The following KHDRBS2 variants were observed in gnomAD, a reference collection of about 807,000 sequenced individuals.
The protein encoded by KHDRBS2 is KH domain-containing, RNA-binding, signal transduction-associated protein 2.
Under a neutral mutation model 44.3 loss-of-function variants are expected in KHDRBS2, and 26 were observed. The ratio of observed to expected loss-of-function variants is 0.59; its 90% CI spans 0.43 to 0.81. The LOEUF (loss-of-function observed/expected upper bound fraction) is 0.81. Ranked by LOEUF, KHDRBS2 falls within the 40% of genes least tolerant of loss-of-function variation. The probability of loss-of-function intolerance (pLI) is 0.00; values close to 1 mark genes in which losing one functional copy is unlikely to be tolerated. For missense variants in KHDRBS2, 476 were observed against 433.1 expected, an observed-to-expected ratio of 1.10 and a Z score of -0.88; for synonymous variants, 194 against 151.1, an observed-to-expected ratio of 1.28 and a Z score of -2.08.
intron 6 of KHDRBS2, among the ~76,000 whole-genome samples, chr6:61,817,294 T>C (rs1234486387): frequency 2.6e-5 from 4 of 152,096 alleles, no homozygotes; most frequent in Non-Finnish European, 4.4e-5. Flanking sequence ...TGTGTCCACG[T>C]AGGAGCCCAG....
chr6:62,148,049 G>A (rs1401352), intron 2 of KHDRBS2, among the ~76,000 whole-genome samples: 92,326 of 151,768 alleles, frequency 0.61, 28,272 homozygotes, highest in Non-Finnish European at 0.62. Context: ...TGTGTTAAGA[G>A]ATATTTTTAC....
intron 2 of KHDRBS2, among the ~76,000 whole-genome samples, chr6:62,161,261 T>C (rs1321118179): frequency 2.0e-5 from 3 of 151,990 alleles, no homozygotes; most frequent in Non-Finnish European, 4.4e-5. Context: ...TTGGAGAGTT[T>C]AAACTGTTTA....
chr6:62,096,114 T>G (rs2127368428), intron 2 of KHDRBS2, among the ~76,000 whole-genome samples: 1 of 152,086 alleles, frequency 6.6e-6, no homozygotes, highest in African/African-American at 2.4e-5. Context: ...TTGGATTTGG[T>G]TTGCTAGTAT....
chr6:62,038,456 A>C (rs1163322171), intron 3 of KHDRBS2, among the ~76,000 whole-genome samples: 1 of 151,966 alleles, frequency 6.6e-6, no homozygotes, highest in Non-Finnish European at 1.5e-5. Flanking sequence ...TGACAACTCT[A>C]CTCAAGTAAG....
chr6:62,076,920 C>T (rs556576840), intron 2 of KHDRBS2, among the ~76,000 whole-genome samples: 41 of 152,030 alleles, frequency 2.7e-4, no homozygotes, highest in Admixed American at 1.6e-3. Flanking sequence ...TGGTGGTACA[C>T]CTGTAGTCCT....
chr6:61,612,430 A>G, the KHDRBS2 span, among the ~76,000 whole-genome samples: 1 of 152,190 alleles, frequency 6.6e-6, no homozygotes, highest in Admixed American at 6.5e-5. Flanking sequence ...CAACCAGCTC[A>G]ATATTGCTAT....
At position 62,285,950 on chromosome 6, in the gene KHDRBS2, G is replaced by A. The variant is rs1258076918; in HGVS notation, c.-2C>T. 4 of 1,599,062 alleles carry A rather than the reference G, an allele frequency of 2.5e-6. No individual in the cohort carries two copies. In the East Asian group the frequency reaches 8.9e-5, roughly 36 times the overall value. ...AGGCAAATATTTCTCCTCTTCCATA[G>A]CGCGGACTTCGGATTGTCCCCGGGC... On this transcript the variant is annotated 5_prime_UTR_variant, in exon 1 of 9. Transcript: ENST00000281156.
chr6:61,856,216 T>G (rs574984325), intron 6 of KHDRBS2, among the ~76,000 whole-genome samples: 1 of 152,286 alleles, frequency 6.6e-6, no homozygotes, highest in Admixed American at 6.5e-5. Flanking sequence ...CTGCCCCTTG[T>G]ATTACACTGT....
chr6:61,714,500 A>C (rs1425289040), intron 7 of KHDRBS2, among the ~76,000 whole-genome samples: 1 of 151,920 alleles, frequency 6.6e-6, no homozygotes, highest in African/African-American at 2.4e-5. Context: ...AAAGAACTAA[A>C]AATAGAACTG....
At chr6:61,644,734 G>T in the KHDRBS2 span, among the ~76,000 whole-genome samples, 25 of 152,112 alleles carry the variant, frequency 1.6e-4, no homozygotes, top group Admixed American at 1.6e-3. Flanking sequence ...CATTAGAGAA[G>T]TGCAAATCAA....
rs578132831 is a variant in KHDRBS2 at position 61,749,948 on chromosome 6, T to G, written c.811-17184A>C. On this transcript the variant is annotated intron_variant, in intron 6 of 8. Coordinates refer to ENST00000281156, the MANE Select transcript of KHDRBS2 (RefSeq NM_152688.4). ...TGTGTTGTCAGTCTATATTTGTTAT[T>G]GTTTTCTTATAAACTAGTAGAATGA... Among the ~76,000 whole-genome samples, 11 of 152,332 alleles carry G rather than the reference T, an allele frequency of 7.2e-5. No homozygotes were observed. The South Asian group carries it at 2.1e-3, about 29-fold the overall frequency.
chr6:61,731,935 T>G (rs1187454707), intron 7 of KHDRBS2, among the ~76,000 whole-genome samples: 2 of 152,096 alleles, frequency 1.3e-5, no homozygotes, highest in African/African-American at 4.8e-5. Context: ...AAGGTAAAAC[T>G]ATGGTAACAA....
chr6:62,068,219 G>A (rs1025296346), intron 2 of KHDRBS2, among the ~76,000 whole-genome samples: 2 of 151,492 alleles, frequency 1.3e-5, no homozygotes, highest in African/African-American at 4.8e-5. Flanking sequence ...TTTTTGGATT[G>A]TAATCATCCT....
the KHDRBS2 span, among the ~76,000 whole-genome samples, chr6:61,570,025 C>T: frequency 6.6e-6 from 1 of 151,974 alleles, no homozygotes; most frequent in South Asian, 2.1e-4. Flanking sequence ...GGTTTTATAG[C>T]ACACCCAACA....
intron 4 of KHDRBS2, among the ~76,000 whole-genome samples, chr6:61,906,879 G>A (rs529071544): frequency 4.0e-5 from 6 of 149,764 alleles, no homozygotes; most frequent in African/African-American, 1.5e-4. Flanking sequence ...ATATCTCTTT[G>A]ATATACTAGT....
intron 6 of KHDRBS2, among the ~76,000 whole-genome samples, chr6:61,868,565 T>C (rs886225498): frequency 3.3e-5 from 5 of 151,994 alleles, no homozygotes; most frequent in African/African-American, 1.2e-4. Flanking sequence ...TGGATTGGGG[T>C]CCCACTTAAA....
chr6:61,770,555 A>C (rs1264436663), intron 6 of KHDRBS2, among the ~76,000 whole-genome samples: 1 of 152,212 alleles, frequency 6.6e-6, no homozygotes, highest in Non-Finnish European at 1.5e-5. Context: ...GCCTCAGTAG[A>C]CGATGCGATC....
chr6:61,996,960 T>C (rs1562607910), intron 3 of KHDRBS2, among the ~76,000 whole-genome samples: 2 of 152,078 alleles, frequency 1.3e-5, no homozygotes, highest in African/African-American at 4.8e-5. Flanking sequence ...TTTTTGTATT[T>C]TTAGGAGAGA....
chr6:62,044,541 G>C (rs932245424), intron 3 of KHDRBS2, among the ~76,000 whole-genome samples: 2 of 151,894 alleles, frequency 1.3e-5, no homozygotes, highest in African/African-American at 4.8e-5. Flanking sequence ...CATACATTTT[G>C]TAGTACCTTA....
Sources: gnomAD v4.1 joint callset for allele counts (sites outside exome capture counted in the v4.1 genomes callset) on GRCh38, gnomAD v4.1.1 for gene constraint, MANE v1.5 for transcripts, NCBI Gene and HGNC (gene_info 2026-07-23, HGNC 2026-07-21) for gene names.